ANKRD44: variants seen among roughly 807,000 people sequenced by gnomAD.
ANKRD44 encodes ankyrin repeat domain 44.
Under a neutral mutation model 116.0 loss-of-function variants are expected in ANKRD44, and 35 were observed. The ratio of observed to expected loss-of-function variants is 0.30; its 90% CI spans 0.23 to 0.40. The LOEUF (loss-of-function observed/expected upper bound fraction) is 0.40. Ranked by LOEUF, ANKRD44 falls within the 10% of genes least tolerant of loss-of-function variation. ANKRD44 has a pLI of 1.00. For missense variants in ANKRD44, 1,014 were observed against 1,242.6 expected (o/e 0.82, Z 2.77); for synonymous variants, 435 against 461.8 (o/e 0.94, Z 0.74).
chr2:196,970,258 T>C (rs1044171481), intron 21 of ANKRD44, among the ~76,000 whole-genome samples: 1 of 152,212 alleles, frequency 6.6e-6, no homozygotes, highest in African/African-American at 2.4e-5. Flanking sequence ...AGCATCTTCA[T>C]ATGCTGAGTT....
intron 3 of ANKRD44, among the ~76,000 whole-genome samples, chr2:197,140,762 C>T (rs181465882): frequency 2.3e-4 from 35 of 152,038 alleles, no homozygotes; most frequent in Non-Finnish European, 4.4e-4. Flanking sequence ...CAAAGGGACA[C>T]GAGGAAACTT....
chr2:197,173,210 G>A (rs2080283995), intron 2 of ANKRD44, among the ~76,000 whole-genome samples: 1 of 152,112 alleles, frequency 6.6e-6, no homozygotes, highest in Non-Finnish European at 1.5e-5. Flanking sequence ...GATCTTTCTA[G>A]AAAAGTTTCA....
intron 16 of ANKRD44, among the ~76,000 whole-genome samples, chr2:197,077,519 G>A (rs2077696415): frequency 6.6e-6 from 1 of 152,144 alleles, no homozygotes; most frequent in South Asian, 2.1e-4. Flanking sequence ...GTTTTGATTG[G>A]GAGGGGTTGG....
intron 2 of ANKRD44, among the ~76,000 whole-genome samples, chr2:197,153,241 AAAAAAAG>A (rs1379038573): frequency 7.9e-6 from 1 of 127,002 alleles, no homozygotes; most frequent in Non-Finnish European, 1.8e-5. Context: ...AAAAAAAAAA[AAAAAAAG>A]AAGAAACAAG....
intron 16 of ANKRD44, among the ~76,000 whole-genome samples, chr2:197,048,086 T>C (rs1219242534): frequency 6.6e-6 from 1 of 152,160 alleles, no homozygotes; most frequent in African/African-American, 2.4e-5. Context: ...TTAACCCTTA[T>C]TTTTAACTAT....
intron 2 of ANKRD44, among the ~76,000 whole-genome samples, chr2:197,184,830 T>C (rs181766691): frequency 6.6e-6 from 1 of 152,180 alleles, no homozygotes; most frequent in East Asian, 1.9e-4. Context: ...ACATCATACA[T>C]CCATCATACA....
intron 2 of ANKRD44, among the ~76,000 whole-genome samples, chr2:197,162,707 C>CTATA (rs932321311): frequency 1.1e-4 from 16 of 152,328 alleles, no homozygotes; most frequent in Admixed American, 9.1e-4. Flanking sequence ...CTCCTCCATG[C>CTATA]TATAGGCTTC....
intron 2 of ANKRD44, among the ~76,000 whole-genome samples, chr2:197,175,130 A>T (rs1384765085): frequency 2.6e-5 from 4 of 152,208 alleles, no homozygotes; most frequent in African/African-American, 9.6e-5. Context: ...AAAGATGAGG[A>T]GGCAGGATGT....
chr2:197,060,943 G>A (rs1257687538), intron 16 of ANKRD44, among the ~76,000 whole-genome samples: 1 of 152,270 alleles, frequency 6.6e-6, no homozygotes, highest in East Asian at 1.9e-4. Context: ...GAACACTTAG[G>A]TTGCTTCTAC....
chr2:197,198,682 A>C (rs1367715604), intron 1 of ANKRD44, among the ~76,000 whole-genome samples: 1 of 151,990 alleles, frequency 6.6e-6, no homozygotes, highest in Non-Finnish European at 1.5e-5. Context: ...AATCCCAGCT[A>C]CTCGGGAGGC....
At chr2:197,161,080 G>A (rs2079948916) in intron 2 of ANKRD44, among the ~76,000 whole-genome samples, 2 of 152,170 alleles carry the variant, frequency 1.3e-5, no homozygotes, top group Admixed American at 1.3e-4. Context: ...GAGCCAGTGG[G>A]ACAGAAAACC....
rs1165020123 is a variant in ANKRD44, at chr2:197,274,012, T to A, written c.27+36566A>T. Among the ~76,000 whole-genome samples, 24 of 81,602 alleles carry A rather than the reference T, an allele frequency of 2.9e-4. 1 individual carries two copies. Among genetic ancestry groups the A allele is most frequent in the South Asian group, 8.9e-4 (2 of 2,238 alleles). The allele number at this position is 81,602 out of a possible 152,430, so 53.5% of individuals were successfully genotyped here. ...ATATATATATATATATATATATATA[T>A]ATATATATATATATATGAATCAGAC... On this transcript the variant is annotated intron_variant, in intron 1 of 27. Transcript: ENST00000282272.
In ANKRD44 at chr2:196,998,439, G is replaced by A; in HGVS notation, c.2666-20C>T. 1 of 1,594,480 alleles carries A rather than the reference G, an allele frequency of 6.3e-7. No homozygotes were observed. Among genetic ancestry groups the A allele is most frequent in the Non-Finnish European group, 8.6e-7 (1 of 1,163,106 alleles). Reference sequence around the variant, plus strand: ...AAATATCTGTAGAAAAAGCCCAAAAGAGGGTTACTTAGATGAGATGCTAAT... The same window carrying A: ...AAATATCTGTAGAAAAAGCCCAAAAAAGGGTTACTTAGATGAGATGCTAAT... On this transcript the variant is annotated intron_variant, in intron 24 of 27. Transcript: ENST00000282272.
intron 2 of ANKRD44, among the ~76,000 whole-genome samples, chr2:197,174,558 G>A (rs563224676): frequency 3.3e-5 from 5 of 152,334 alleles, no homozygotes; most frequent in African/African-American, 9.6e-5. Context: ...TAAAGGTATT[G>A]ATAAAATTAG....
rs535485044 is a variant in ANKRD44 at position 197,210,023 on chromosome 2, T to TA, written c.28-22918dup. On this transcript the variant is annotated intron_variant, in intron 1 of 27. Coordinates refer to ENST00000282272, the MANE Select transcript of ANKRD44 (RefSeq NM_001195144.2). ...CACTCCTACTACCTAAGAGACGTCT[T>TA]ACAGAAATTCCTTTGAGTTAAAGTT... Among the ~76,000 whole-genome samples the TA allele has an allele frequency of 2.2e-3, 336 of 152,268 alleles. 1 individual carries two copies. Among genetic ancestry groups the TA allele is most frequent in the African/African-American group, 7.8e-3 (323 of 41,564 alleles).
At chr2:197,200,273 G>A (rs1018360370) in intron 1 of ANKRD44, among the ~76,000 whole-genome samples, 2 of 152,204 alleles carry the variant, frequency 1.3e-5, no homozygotes, top group Non-Finnish European at 2.9e-5. Context: ...AAAAGGGGAA[G>A]CATGAAAGGC....
intron 16 of ANKRD44, among the ~76,000 whole-genome samples, chr2:197,032,535 C>G (rs888529226): frequency 2.6e-5 from 4 of 151,956 alleles, no homozygotes; most frequent in African/African-American, 9.7e-5. Context: ...ACTACAGGCA[C>G]CCGCCACCAC....
chr2:197,225,200 T>C (rs1326136788), intron 1 of ANKRD44, among the ~76,000 whole-genome samples: 1 of 152,222 alleles, frequency 6.6e-6, no homozygotes, highest in African/African-American at 2.4e-5. Context: ...ACCAGATTTA[T>C]GCCACATATC....
intron 21 of ANKRD44, 129 bp from the exon 22 acceptor site, chr2:197,001,969 A>G: frequency 4.7e-6 from 3 of 637,828 alleles, no homozygotes; most frequent in Non-Finnish European, 8.1e-6. Flanking sequence ...TTCATTCTCC[A>G]TGAAATAATA....
Sources: gnomAD v4.1 joint callset for allele counts (sites outside exome capture counted in the v4.1 genomes callset) on GRCh38, gnomAD v4.1.1 for gene constraint, MANE v1.5 for transcripts, NCBI Gene and HGNC (gene_info 2026-07-23, HGNC 2026-07-21) for gene names.